The following SMYD4 variants were observed in gnomAD, a reference collection of about 807,000 sequenced individuals.
SMYD4 encodes the protein protein-lysine N-methyltransferase SMYD4.
SMYD4 carries 68 observed loss-of-function variants against 72.8 expected under a neutral mutation model. The observed-to-expected ratio is 0.93, with a 90% CI of 0.77 to 1.14. The LOEUF (loss-of-function observed/expected upper bound fraction) is 1.14, where lower values mean the gene tolerates loss of function less well. Among genes scored for constraint, SMYD4 ranks in the 50% most tolerant of loss-of-function variants. The pLI is 0.00. For synonymous variants in SMYD4, 407 were observed against 388.6 expected (o/e 1.05, Z -0.56); for missense variants, 984 against 1,003.7 (o/e 0.98, Z 0.27).
intron 7 of SMYD4, among the ~76,000 whole-genome samples, chr17:1,785,736 C>T (rs1908647889): frequency 2.1e-5 from 3 of 146,132 alleles, no homozygotes; most frequent in Admixed American, 6.8e-5. Flanking sequence ...CTCACTTCAG[C>T]CTGGATGACA....
intron 3 of SMYD4, among the ~76,000 whole-genome samples, chr17:1,810,246 A>G (rs528807792): frequency 2.6e-5 from 4 of 152,278 alleles, no homozygotes; most frequent in African/African-American, 9.6e-5. Flanking sequence ...AGGAATATGG[A>G]AATAGAAGTT....
At chr17:1,793,997 A>G (rs1195442835) in intron 5 of SMYD4, among the ~76,000 whole-genome samples, 1 of 76,948 alleles carries the variant, frequency 1.3e-5, no homozygotes, top group Non-Finnish European at 2.8e-5. Flanking sequence ...ATTTTTGTGT[A>G]TATATATATG....
chr17:1,803,397 T>C (rs1023423331), intron 4 of SMYD4, among the ~76,000 whole-genome samples: 23 of 152,218 alleles, frequency 1.5e-4, no homozygotes, highest in Admixed American at 6.5e-5. Context: ...ACTTGGAACC[T>C]GAAGTATTAG....
chr17:1,798,046 T>C (rs985414278), intron 5 of SMYD4, among the ~76,000 whole-genome samples: 5 of 151,940 alleles, frequency 3.3e-5, no homozygotes, highest in African/African-American at 1.2e-4. Context: ...ACCCAACTAC[T>C]GGGCCTCTTC....
At chr17:1,798,156 T>C (rs1023717941) in intron 5 of SMYD4, among the ~76,000 whole-genome samples, 2 of 151,774 alleles carry the variant, frequency 1.3e-5, no homozygotes, top group Admixed American at 6.6e-5. Context: ...TTTTTTCTCT[T>C]GAGACAGGGT....
chr17:1,785,048 A>G (rs1908583193), intron 7 of SMYD4, among the ~76,000 whole-genome samples: 2 of 148,372 alleles, frequency 1.3e-5, no homozygotes, highest in African/African-American at 5.0e-5. Context: ...CAGCCTCCCA[A>G]AGTGCTGGGA....
intron 7 of SMYD4, among the ~76,000 whole-genome samples, chr17:1,785,518 C>T (rs542380812): frequency 1.3e-5 from 2 of 150,700 alleles, no homozygotes; most frequent in East Asian, 2.0e-4. Context: ...TTTGGGTGGT[C>T]GAGGCAGGTA....
In SMYD4 at chr17:1,811,996, G is replaced by C. The variant is rs781758708; in HGVS notation, c.254C>G (p.Thr85Arg). ...CTTAGAGTACAGCACTGCAGCTCCT[G>C]TGTAATCTTTCTCCTGAAATTTTTT... The part of the protein sequence containing the change: ...GNKKFQEKDY[T>R]GAAVLYSKGV... The change falls in exon 3 of 11, where the codon ACA becomes AGA. Residue 85 changes from threonine (T) to arginine (R), a missense_variant. Physicochemically the swap from Thr to Arg is moderately conservative, Grantham distance 71. Coordinates refer to ENST00000305513, the MANE Select transcript of SMYD4 (RefSeq NM_052928.3). The C allele has an allele frequency of 2.5e-5, 40 of 1,614,000 alleles. No individual in the cohort carries two copies. Among genetic ancestry groups the C allele is most frequent in the Non-Finnish European group, 3.3e-5 (39 of 1,180,032 alleles).
At chr17:1,806,611 C>G (rs1055626966) in intron 3 of SMYD4, among the ~76,000 whole-genome samples, 8 of 152,096 alleles carry the variant, frequency 5.3e-5, no homozygotes, top group South Asian at 2.1e-4. Context: ...ACAGAAATGC[C>G]ATTTTTTTAC....
At chr17:1,818,644 T>C (rs1910750556) in intron 2 of SMYD4, among the ~76,000 whole-genome samples, 1 of 152,122 alleles carries the variant, frequency 6.6e-6, no homozygotes, top group African/African-American at 2.4e-5. Flanking sequence ...TAGATAGTGG[T>C]ATAATTTTTA....
In SMYD4 at chr17:1,800,624, T is replaced by A. The variant is rs778575060; in HGVS notation, c.770A>T (p.Glu257Val). Residue 257 changes from glutamate to valine, a missense_variant, in exon 5 of 11, where the codon GAG becomes GTG. Coordinates refer to ENST00000305513, the MANE Select transcript of SMYD4 (RefSeq NM_052928.3). ...LVATKDILPGELLVQEDAFVS... is the reference protein window; with the variant it reads ...LVATKDILPGVLLVQEDAFVS... ...AAAAGCATCCTCCTGCACCAGGAGC[T>A]CTCCTGGGAGAATATCTTTTGTGGC... 4 of 1,614,014 alleles carry A rather than the reference T, an allele frequency of 2.5e-6. No individual in the cohort carries two copies. The African/African-American group carries it at 5.3e-5, about 22-fold the overall frequency.
chr17:1,812,016 T>C lies in SMYD4; in HGVS notation c.234A>G (p.Lys78=). 6.2e-7 allele frequency: 1 copy of C among 1,614,166 alleles called. No individual in the cohort carries two copies. The highest frequency in any genetic ancestry group is 8.5e-7 in the Non-Finnish European group (1 of 1,180,032). Residue 78 remains lysine (K), a synonymous_variant, in exon 3 of 11, where the codon AAA becomes AAG. Transcript: ENST00000305513. ...PLFYREEGNK[K]FQEKDYTGAA... Reference sequence around the variant, plus strand: ...CTCCTGTGTAATCTTTCTCCTGAAATTTTTTGTTTCCTTCTTCTCTGTAGA... The same window carrying C: ...CTCCTGTGTAATCTTTCTCCTGAAACTTTTTGTTTCCTTCTTCTCTGTAGA...
intron 5 of SMYD4, among the ~76,000 whole-genome samples, chr17:1,794,904 T>C (rs936095939): frequency 5.3e-5 from 8 of 152,194 alleles, no homozygotes; most frequent in African/African-American, 1.7e-4. Context: ...GGCATGTCTC[T>C]GTGGTTATCG....
chr17:1,826,213 C>T (rs1911158006), intron 2 of SMYD4, among the ~76,000 whole-genome samples: 1 of 152,174 alleles, frequency 6.6e-6, no homozygotes, highest in South Asian at 2.1e-4. Flanking sequence ...CACTGGGGGG[C>T]CGGGCGCAGT....
intron 2 of SMYD4, among the ~76,000 whole-genome samples, chr17:1,812,545 C>CTTTTT (rs71150818): frequency 2.0e-4 from 13 of 63,698 alleles, no homozygotes; most frequent in African/African-American, 3.6e-4. Flanking sequence ...AGCAGAATTT[C>CTTTTT]TTTTTTTTTT....
rs769690188 is a variant in SMYD4, at chr17:1,787,576, G to A, written c.1566C>T (p.Ser522=). ...TGPKGSIVTD[S]RQVRLATGIF... ...TGCCTGTGGCAAGGCGCACCTGCCT[G>A]CTGTCGGTAACGATGCTCCCTTTAG... The change falls in exon 6 of 11, where the codon AGC becomes AGT. Residue 522 remains serine (S), a synonymous_variant. Transcript: ENST00000305513. The A allele has an allele frequency of 6.9e-6, 11 of 1,594,304 alleles. No homozygotes were observed. In the South Asian group the frequency reaches 9.1e-5, roughly 13 times the overall value.
intron 2 of SMYD4, among the ~76,000 whole-genome samples, chr17:1,818,477 C>T (rs1910743983): frequency 6.6e-6 from 1 of 152,162 alleles, no homozygotes; most frequent in Non-Finnish European, 1.5e-5. Flanking sequence ...ACTATAATAT[C>T]ATTATCACTA....
intron 5 of SMYD4, among the ~76,000 whole-genome samples, chr17:1,795,448 CATCT>C (rs1324900354): frequency 8.2e-6 from 1 of 121,594 alleles, no homozygotes; most frequent in Admixed American, 9.9e-5. Flanking sequence ...TCTATCTAAT[CATCT>C]ATCTATCTAT....
intron 2 of SMYD4, among the ~76,000 whole-genome samples, chr17:1,823,442 G>A (rs1032947248): frequency 2.1e-5 from 3 of 140,202 alleles, no homozygotes; most frequent in Non-Finnish European, 4.6e-5. Flanking sequence ...CAATTCTAAA[G>A]TTCACATGGG....
Sources: allele counts gnomAD v4.1 joint callset (sites outside exome capture counted in the v4.1 genomes callset), GRCh38; gene constraint gnomAD v4.1.1; transcripts MANE v1.5; gene names NCBI Gene and HGNC (gene_info 2026-07-23, HGNC 2026-07-21).